The following TRPC7 variants were observed in gnomAD, a reference collection of about 807,000 sequenced individuals.
TRPC7 encodes the protein short transient receptor potential channel 7.
TRPC7 carries 42 observed loss-of-function variants against 90.1 expected under a neutral mutation model. The observed-to-expected ratio is 0.47, with a 90% CI of 0.36 to 0.60. TRPC7 has a LOEUF of 0.60. Ranked by LOEUF, TRPC7 falls within the 20% of genes least tolerant of loss-of-function variation. The probability of loss-of-function intolerance (pLI) is 0.00; values close to 1 mark genes in which losing one functional copy is unlikely to be tolerated. For missense variants in TRPC7, 955 were observed against 1,112.3 expected, an observed-to-expected ratio of 0.86 and a Z score of 2.01; for synonymous variants, 451 against 436.3, an observed-to-expected ratio of 1.03 and a Z score of -0.42.
rs780768162 is a variant in TRPC7, at chr5:136,213,458, C to T, written c.2566G>A (p.Val856Met). 1.9e-6 allele frequency: 3 copies of T among 1,613,980 alleles called. No individual in the cohort carries two copies. The highest frequency in any genetic ancestry group is 2.5e-6 in the Non-Finnish European group (3 of 1,179,898). The change falls in exon 12 of 12, where the codon GTG becomes ATG. Residue 856 changes from valine (V) to methionine (M), a missense_variant. Val to Met is a conservative substitution (Grantham distance 21). Coordinates refer to ENST00000513104, the MANE Select transcript of TRPC7 (RefSeq NM_020389.3). ...GKNLNKDHLR[V>M]NKGKDI ...TGCTAAATGTCTTTGCCCTTGTTCA[C>T]CCTCAGGTGGTCTTTGTTTAAGTTC...
intron 2 of TRPC7, among the ~76,000 whole-genome samples, chr5:136,350,696 C>G (rs1566404): frequency 0.56 from 85,467 of 152,116 alleles, 24,240 homozygotes; most frequent in Admixed American, 0.63. Flanking sequence ...GTATGGGGTC[C>G]TGTGTCCAGA....
chr5:136,274,200 C>A (rs1757289911), intron 4 of TRPC7, among the ~76,000 whole-genome samples: 1 of 152,184 alleles, frequency 6.6e-6, no homozygotes, highest in South Asian at 2.1e-4. Flanking sequence ...CTAGTTATTT[C>A]TCTTTTCTGG....
At chr5:136,273,625 A>T (rs951954960) in intron 4 of TRPC7, among the ~76,000 whole-genome samples, 1 of 152,144 alleles carries the variant, frequency 6.6e-6, no homozygotes, top group African/African-American at 2.4e-5. Context: ...GTTACTCCTA[A>T]GTGGAGTTGA....
chr5:136,225,446 G>A, intron 9 of TRPC7, 92 bp from the exon 10 acceptor site: 7 of 1,225,488 alleles, frequency 5.7e-6, no homozygotes, highest in Middle Eastern at 1.9e-4. Context: ...ATCCATATAC[G>A]GGGCTGTCTC....
At chr5:136,352,660 A>C (rs749514392) in intron 2 of TRPC7, among the ~76,000 whole-genome samples, 1 of 152,160 alleles carries the variant, frequency 6.6e-6, no homozygotes, top group Non-Finnish European at 1.5e-5. Flanking sequence ...AGCTCACACC[A>C]ATCTTCCCTT....
At chr5:136,287,687 C>CAAAAAAAAAAAAAAAAAAAAAAAAAA (rs767031610) in intron 3 of TRPC7, among the ~76,000 whole-genome samples, 1 of 59,520 alleles carries the variant, frequency 1.7e-5, no homozygotes, top group African/African-American at 6.2e-5. Flanking sequence ...AGTGGATGCT[C>CAAAAAAAAAAAAAAAAAAAAAAAAAA]AAAAAAAAAA....
intron 2 of TRPC7, among the ~76,000 whole-genome samples, chr5:136,326,805 T>C (rs1759360865): frequency 6.6e-6 from 1 of 152,078 alleles, no homozygotes; most frequent in African/African-American, 2.4e-5. Flanking sequence ...GGAGCTGAAG[T>C]GTACCTGAGG....
At chr5:136,306,858 T>C (rs553634116) in intron 3 of TRPC7, among the ~76,000 whole-genome samples, 116 of 152,282 alleles carry the variant, frequency 7.6e-4, no homozygotes, top group African/African-American at 2.7e-3. Flanking sequence ...CAAAACATTG[T>C]TCTTAACTTC....
At chr5:136,356,564 C>T (rs1760382570) in intron 2 of TRPC7, 44 bp downstream of exon 2, 4 of 1,490,038 alleles carry the variant, frequency 2.7e-6, no homozygotes, top group South Asian at 2.9e-5. Context: ...CGTGGAAGAG[C>T]CCCCTGGGCA....
chr5:136,316,262 A>G (rs1385698833), intron 2 of TRPC7, among the ~76,000 whole-genome samples: 1 of 152,184 alleles, frequency 6.6e-6, no homozygotes, highest in Non-Finnish European at 1.5e-5. Context: ...GGGCTGATGT[A>G]AATAACACTT....
chr5:136,255,047 C>T (rs1047331751), intron 5 of TRPC7, among the ~76,000 whole-genome samples: 5 of 152,148 alleles, frequency 3.3e-5, no homozygotes, highest in African/African-American at 1.2e-4. Context: ...GATAAAACTT[C>T]AATGGATGAG....
At chr5:136,337,496 T>C (rs1310587797) in intron 2 of TRPC7, among the ~76,000 whole-genome samples, 1 of 152,030 alleles carries the variant, frequency 6.6e-6, no homozygotes, top group African/African-American at 2.4e-5. Context: ...TGAAACCTCG[T>C]CTCTATTAAA....
intron 5 of TRPC7, among the ~76,000 whole-genome samples, chr5:136,262,798 A>G (rs1278292454): frequency 1.3e-5 from 2 of 152,170 alleles, no homozygotes; most frequent in Non-Finnish European, 2.9e-5. Context: ...GAGGCAAACC[A>G]TATGACCACC....
chr5:136,359,130 G>C (rs547123763), intron 1 of TRPC7, among the ~76,000 whole-genome samples: 1 of 152,118 alleles, frequency 6.6e-6, no homozygotes, highest in African/African-American at 2.4e-5. Flanking sequence ...GTTTAAATTG[G>C]GGACTCCATT....
chr5:136,230,761 T>C (rs1479792036), intron 8 of TRPC7, among the ~76,000 whole-genome samples: 1 of 152,110 alleles, frequency 6.6e-6, no homozygotes, highest in Non-Finnish European at 1.5e-5. Context: ...TCAGGCAAAA[T>C]TGTTCTGTTT....
Position 136,293,267 on chromosome 5 carries a change from A to G in TRPC7, c.964-18430T>C, listed in dbSNP as rs551108308. ...CCCTCTCTCACCACTCCTATTCAAC[A>G]TAGTGTTGGAAGTTCTAGCCAGGGC... On this transcript the variant is annotated intron_variant, in intron 3 of 11. Coordinates refer to ENST00000513104, the MANE Select transcript of TRPC7 (RefSeq NM_020389.3). 3.7e-3 allele frequency among the ~76,000 whole-genome samples: 560 copies of G among 152,292 alleles called. 2 individuals carry two copies. The highest frequency in any genetic ancestry group is 0.024 in the Middle Eastern group (7 of 294).
chr5:136,324,632 T>C (rs1759291670), intron 2 of TRPC7, among the ~76,000 whole-genome samples: 2 of 152,220 alleles, frequency 1.3e-5, no homozygotes, highest in African/African-American at 4.8e-5. Context: ...CAAGACATGT[T>C]GATACCTTTA....
chr5:136,354,739 T>C (rs1372950475), intron 2 of TRPC7, among the ~76,000 whole-genome samples: 5 of 152,240 alleles, frequency 3.3e-5, no homozygotes, highest in African/African-American at 9.7e-5. Context: ...CTGGGTCCTT[T>C]GAGATCCTTC....
intron 2 of TRPC7, among the ~76,000 whole-genome samples, chr5:136,351,338 T>C (rs1760188379): frequency 6.6e-6 from 1 of 152,158 alleles, no homozygotes; most frequent in Admixed American, 6.5e-5. Flanking sequence ...ATTTTCCCAA[T>C]AGAAAAGGAA....
Sources: gnomAD v4.1 joint callset for allele counts (sites outside exome capture counted in the v4.1 genomes callset) on GRCh38, gnomAD v4.1.1 for gene constraint, MANE v1.5 for transcripts, NCBI Gene and HGNC (gene_info 2026-07-23, HGNC 2026-07-21) for gene names.